The following LIME1 variants were observed in gnomAD, a reference collection of about 807,000 sequenced individuals.
The protein encoded by LIME1 is lck-interacting transmembrane adapter 1.
LIME1 carries 23 observed loss-of-function variants against 18.8 expected under a neutral mutation model. The observed-to-expected ratio is 1.22, with a 90% CI of 0.88 to 1.73. LIME1 has a LOEUF of 1.73. Among genes scored for constraint, LIME1 ranks in the 40% most tolerant of loss-of-function variants. The pLI is 0.00. For synonymous variants in LIME1, 177 were observed against 182.3 expected (o/e 0.97, Z 0.23); for missense variants, 423 against 396.8 (o/e 1.07, Z -0.56).
In LIME1 at chr20:63,738,068, G is replaced by A; in HGVS notation, c.268+8G>A. The A allele has an allele frequency of 6.8e-7, 1 of 1,468,790 alleles. No homozygotes were observed. Among genetic ancestry groups the A allele is most frequent in the Non-Finnish European group, 8.9e-7 (1 of 1,120,550 alleles). 91.0% of individuals were successfully genotyped at this position (1,468,790 alleles called of 1,614,324 possible). A position where few individuals can be genotyped will look rare whatever the true frequency, so the allele number is the denominator to read the frequency against. ...GCCCGCGCAGCAGCAGGGGTGAGCA[G>A]AGGGCGGGGCGGGGGCGGCCGGGCG... On this transcript the variant is annotated splice_region_variant and intron_variant, in intron 4 of 5. Coordinates refer to ENST00000309546, the MANE Select transcript of LIME1 (RefSeq NM_017806.4).
rs573317907 is a variant in LIME1, at chr20:63,737,051, C to T, written c.-18+339C>T. On this transcript the variant is annotated intron_variant, in intron 1 of 5. Coordinates refer to ENST00000309546, the MANE Select transcript of LIME1 (RefSeq NM_017806.4). ...CTGCTGACCCAGCCTCCAGCTCCTC[C>T]GGGTGCAGGGTCCCTCCTGCTGACC... is the stretch of plus-strand genomic sequence containing the variant. 36 of 986,958 alleles carry T rather than the reference C, an allele frequency of 3.6e-5. No homozygotes were observed. In the Admixed American group the frequency reaches 4.9e-4, roughly 13 times the overall value. 61.1% of individuals were successfully genotyped at this position (986,958 alleles called of 1,614,324 possible).
At chr20:63,737,418 G>C (rs2092002689) in intron 1 of LIME1, 115 bp from the exon 2 acceptor site, 2 of 1,380,314 alleles carry the variant, frequency 1.4e-6, no homozygotes, top group East Asian at 5.9e-5. Context: ...TGCTGAGTCA[G>C]AGCTGGAACG....
rs1209275678 is a variant in LIME1 at position 63,737,991 on chromosome 20, C to A, written c.199C>A (p.His67Asn). The A allele has an allele frequency of 6.4e-7, 1 of 1,570,840 alleles. No individual in the cohort carries two copies. The highest frequency in any genetic ancestry group is 1.8e-5 in the Admixed American group (1 of 55,952). Reference sequence around the variant, plus strand: ...CCCCCAGTCCCTACTGAGGCGGACCCACCTCTGCTCCCTCAGCAAGTCGGA... The same window carrying A: ...CCCCCAGTCCCTACTGAGGCGGACCAACCTCTGCTCCCTCAGCAAGTCGGA... ...AAEASLLRRTHLCSLSKSDTR... is the reference protein window; with the variant it reads ...AAEASLLRRTNLCSLSKSDTR... Residue 67 changes from histidine (H) to asparagine (N), a missense_variant, in exon 4 of 6, where the codon CAC becomes AAC. By Grantham distance (68) the His-to-Asn change is moderately conservative. Coordinates refer to ENST00000309546, the MANE Select transcript of LIME1 (RefSeq NM_017806.4).
rs770611778 is a variant in LIME1, at chr20:63,738,862, G to T, written c.850G>T (p.Gly284Trp). Reference sequence around the variant, plus strand: ...CCCTGCTTCCAGCTGCCCCAGCCTAGGGAGGGGCTGGAGACCCCTCCCTGC... The same window carrying T: ...CCCTGCTTCCAGCTGCCCCAGCCTATGGAGGGGCTGGAGACCCCTCCCTGC... The part of the protein sequence containing the change: ...TPPASSCPSL[G>W]RGWRPLPASL... Residue 284 changes from glycine (G) to tryptophan (W), a missense_variant, in exon 6 of 6, where the codon GGG becomes TGG. Gly to Trp is a radical substitution (Grantham distance 184). Coordinates refer to ENST00000309546, the MANE Select transcript of LIME1 (RefSeq NM_017806.4). 1.2e-6 allele frequency: 2 copies of T among 1,609,732 alleles called. No individual in the cohort carries two copies. The highest frequency in any genetic ancestry group is 1.7e-6 in the Non-Finnish European group (2 of 1,178,604).
At chr20:63,735,705 A>C, upstream of LIME1, 2 of 1,541,566 alleles carry the variant, frequency 1.3e-6, no homozygotes, top group Non-Finnish European at 1.8e-6. Flanking sequence ...CAGCGGGCAC[A>C]CAGGCAGTGG....
chr20:63,736,639 G>C (rs1207285080), upstream of LIME1: 1 of 986,224 alleles, frequency 1.0e-6, no homozygotes, highest in African/African-American at 1.7e-5. Flanking sequence ...GAGGTGGGGA[G>C]CTCAGCCGAG....
At chr20:63,735,730 G>C (rs961555500), upstream of LIME1, 8 of 1,557,572 alleles carry the variant, frequency 5.1e-6, no homozygotes, top group African/African-American at 1.1e-4. Flanking sequence ...GGCAGACTGG[G>C]GTTGGTGGCA....
chr20:63,737,841 C>T lies in LIME1; in HGVS notation c.119C>T (p.Pro40Leu). 1 of 1,547,682 alleles carries T rather than the reference C, an allele frequency of 6.5e-7. No individual in the cohort carries two copies. The highest frequency in any genetic ancestry group is 1.4e-5 in the African/African-American group (1 of 72,130). The change falls in exon 3 of 6, where the codon CCC (proline) becomes CTC (leucine). Residue 40 changes from proline to leucine, a missense_variant. By Grantham distance (98) the Pro-to-Leu change is moderately conservative. Coordinates refer to ENST00000309546, the MANE Select transcript of LIME1 (RefSeq NM_017806.4). ...ACRRPEDAVA[P>L]RKRARRQRAR... ...CCAAGGCCCGAGGACGCTGTAGCCC[C>T]CAGGAAGAGGGCGCGGAGGCAGCGG...
Position 63,737,816 on chromosome 20 carries a change from C to G in LIME1, c.99-5C>G, listed in dbSNP as rs1174806394. 2.0e-6 allele frequency: 3 copies of G among 1,502,314 alleles called. No homozygotes were observed. Among genetic ancestry groups the G allele is most frequent in the Non-Finnish European group, 2.6e-6 (3 of 1,133,582 alleles). 93.1% of individuals were successfully genotyped at this position (1,502,314 alleles called of 1,614,324 possible). On this transcript the variant is annotated splice_polypyrimidine_tract_variant and splice_region_variant and intron_variant, in intron 2 of 5. Transcript: ENST00000309546. Reference sequence around the variant, plus strand: ...CGCCCCCCGCCCCCCACCTCTACCCCCAAGGCCCGAGGACGCTGTAGCCCC... The same window carrying G: ...CGCCCCCCGCCCCCCACCTCTACCCGCAAGGCCCGAGGACGCTGTAGCCCC...
Position 63,738,768 on chromosome 20 carries a change from C to G in LIME1, c.756C>G (p.Asn252Lys). The G allele has an allele frequency of 6.2e-7, 1 of 1,613,006 alleles. No individual in the cohort carries two copies. The highest frequency in any genetic ancestry group is 8.5e-7 in the Non-Finnish European group (1 of 1,179,946). The change falls in exon 6 of 6, where the codon AAC (asparagine) becomes AAG (lysine). Residue 252 changes from asparagine to lysine, a missense_variant. By Grantham distance (94) the Asn-to-Lys change is moderately conservative. Transcript: ENST00000309546. ...ATGTGGACAGCGGCCCCCTGGAAAA[C>G]GTGTATGAGAGCATCCGGGAGCTGG... ...ALDVDSGPLENVYESIRELGD... is the reference protein window; with the variant it reads ...ALDVDSGPLEKVYESIRELGD...
rs2092022752 is a variant in LIME1 at position 63,738,616 on chromosome 20, A to G, written c.604A>G (p.Arg202Gly). 2 of 1,573,922 alleles carry G rather than the reference A, an allele frequency of 1.3e-6. No homozygotes were observed. Among genetic ancestry groups the G allele is most frequent in the Middle Eastern group, 1.7e-4 (1 of 5,836 alleles). The change falls in exon 6 of 6, where the codon AGG (arginine) becomes GGG (glycine). Residue 202 changes from arginine to glycine, a missense_variant. Physicochemically the swap from Arg to Gly is moderately radical, Grantham distance 125. Coordinates refer to ENST00000309546, the MANE Select transcript of LIME1 (RefSeq NM_017806.4). ...TCTCCAGGTGGACGTCCTGTACTCC[A>G]GGGTCTGCAAGCCTAAAAGGAGGGA... The part of the protein sequence containing the change: ...PAAQVDVLYS[R>G]VCKPKRRDPG...
Position 63,738,086 on chromosome 20 carries a change from G to T in LIME1, c.268+26G>T, listed in dbSNP as rs1568808125. 3 of 1,519,036 alleles carry T rather than the reference G, an allele frequency of 2.0e-6. No individual in the cohort carries two copies. The Admixed American group carries it at 6.0e-5, about 30-fold the overall frequency. The allele number at this position is 1,519,036 out of a possible 1,614,324, so 94.1% of individuals were successfully genotyped here. ...GTGAGCAGAGGGCGGGGCGGGGGCG[G>T]CCGGGCGGGGCTTACTGTGCAGCGC... On this transcript the variant is annotated intron_variant, in intron 4 of 5. Transcript: ENST00000309546.
Position 63,738,267 on chromosome 20 carries a change from C to G in LIME1, c.353C>G (p.Ser118Cys), listed in dbSNP as rs777505377. ...ATCACCGGACCGCAGGCAGCCCCCT[C>G]TGCCTTCCCACACCAGGAGCTGCCC... ...RDITGPQAAP[S>C]AFPHQELPRA... is the part of the protein sequence containing the mutation. The change falls in exon 5 of 6, where the codon TCT (serine) becomes TGT (cysteine). Residue 118 changes from serine to cysteine, a missense_variant. Ser to Cys is a moderately radical substitution (Grantham distance 112). Transcript: ENST00000309546. The G allele has an allele frequency of 4.5e-5, 72 of 1,586,204 alleles. No individual in the cohort carries two copies. Among genetic ancestry groups the G allele is most frequent in the Non-Finnish European group, 5.9e-5 (69 of 1,171,102 alleles).
In LIME1 at chr20:63,737,540, G is replaced by T; in HGVS notation, c.-10G>T. ...CCTTTCTTCTGTCCCCAGGGCCTCG[G>T]CTTCACAGGATGGGGCTGCCAGTGT... On this transcript the variant is annotated 5_prime_UTR_variant, in exon 2 of 6. Transcript: ENST00000309546. 6.5e-7 allele frequency: 1 copy of T among 1,546,846 alleles called. No homozygotes were observed.
Position 63,738,728 on chromosome 20 carries a change from C to G in LIME1, c.716C>G (p.Pro239Arg). 1 of 1,613,018 alleles carries G rather than the reference C, an allele frequency of 6.2e-7. No individual in the cohort carries two copies. Among genetic ancestry groups the G allele is most frequent in the Non-Finnish European group, 8.5e-7 (1 of 1,179,924 alleles). The change falls in exon 6 of 6, where the codon CCG becomes CGG. Residue 239 changes from proline (P) to arginine (R), a missense_variant. Coordinates refer to ENST00000309546, the MANE Select transcript of LIME1 (RefSeq NM_017806.4). The stretch of plus-strand genomic sequence containing the variant: ...GGTGACCTGGCCTACCAGACCCTCC[C>G]GCTCAGGGCCCTGGATGTGGACAGC... ...LAGDLAYQTL[P>R]LRALDVDSGP...
chr20:63,736,882 G>GT (rs1568806507), intron 1 of LIME1, 170 bp downstream of exon 1: 4 of 986,132 alleles, frequency 4.1e-6, no homozygotes, highest in Non-Finnish European at 4.8e-6. Flanking sequence ...GGACTGTGCT[G>GT]TTTGTAAGGC....
At chr20:63,736,238 G>T, upstream of LIME1, 1 of 335,570 alleles carries the variant, frequency 3.0e-6, no homozygotes, top group Non-Finnish European at 5.6e-6. Context: ...GGCCTAGGAG[G>T]CCGGCATTCT....
intron 1 of LIME1, chr20:63,737,330 A>C (rs1409189929): frequency 1.5e-6 from 2 of 1,318,766 alleles, no homozygotes; most frequent in Non-Finnish European, 9.6e-7. Context: ...GAGCAGCCCT[A>C]GTTCACCTCA....
upstream of LIME1, chr20:63,735,906 T>C: frequency 1.2e-6 from 2 of 1,612,466 alleles, no homozygotes; most frequent in Non-Finnish European, 1.7e-6. Context: ...CACAAGAAGA[T>C]GACTGAGTTC....
Sources: gnomAD v4.1 joint callset for allele counts on GRCh38, gnomAD v4.1.1 for gene constraint, MANE v1.5 for transcripts, NCBI Gene and HGNC (gene_info 2026-07-23, HGNC 2026-07-21) for gene names.